The following SPG11 variants were observed in gnomAD, a reference collection of about 807,000 sequenced individuals.
The protein encoded by SPG11 is SPG11 vesicle trafficking associated, spatacsin, also known as spatacsin.
In SPG11, 222 loss-of-function variants were observed where a neutral mutation model predicts 274.0. The observed-to-expected ratio is 0.81, with a 90% CI of 0.73 to 0.91. The LOEUF (loss-of-function observed/expected upper bound fraction) is 0.91, where lower values mean the gene tolerates loss of function less well. Among genes scored for constraint, SPG11 ranks in the 40% least tolerant of loss-of-function variants. The pLI, the probability that SPG11 is intolerant of heterozygous loss-of-function variation, is 0.00. For synonymous variants in SPG11, 1,144 were observed against 1,039.7 expected (o/e 1.10, Z -1.93); for missense variants, 3,114 against 2,872.7 (o/e 1.08, Z -1.92).
In SPG11 at chr15:44,606,034, C is replaced by A. The variant is rs1197171897; in HGVS notation, c.3511G>T (p.Ala1171Ser). The change falls in exon 20 of 40, where the codon GCT becomes TCT. Residue 1171 changes from alanine (A) to serine (S), a missense_variant. Physicochemically the swap from Ala to Ser is moderately conservative, Grantham distance 99. Coordinates refer to ENST00000261866, the MANE Select transcript of SPG11 (RefSeq NM_025137.4). ...LFGWQSANTL[A>S]IGDAWSHLPH... ...ACCCATGATGACTTACCTCCTATAG[C>A]TAGTGTGTTAGCAGACTGCCAGCCA... 6.2e-7 allele frequency: 1 copy of A among 1,613,608 alleles called. No homozygotes were observed. Among genetic ancestry groups the A allele is most frequent in the East Asian group, 2.2e-5 (1 of 44,804 alleles).
intron 25 of SPG11, 126 bp from the exon 26 acceptor site, chr15:44,595,585 C>T: frequency 9.5e-7 from 1 of 1,055,232 alleles, no homozygotes; most frequent in South Asian, 1.4e-5. Context: ...GCTTGAAAAG[C>T]CTTCAAACAT....
intron 1 of SPG11, among the ~76,000 whole-genome samples, chr15:44,663,164 G>C (rs1402980210): frequency 6.6e-6 from 1 of 152,258 alleles, no homozygotes; most frequent in Non-Finnish European, 1.5e-5. Flanking sequence ...CCGCCCACCC[G>C]GAACAGGAGA....
At chr15:44,626,796 A>G (rs2083912749) in intron 10 of SPG11, among the ~76,000 whole-genome samples, 1 of 152,136 alleles carries the variant, frequency 6.6e-6, no homozygotes, top group Non-Finnish European at 1.5e-5. Flanking sequence ...CTAAATAAGA[A>G]GGATGACCAC....
rs1238379023 is a variant in SPG11, at chr15:44,600,618, G to C, written c.3535C>G (p.Leu1179Val). Reference protein sequence around the residue: ...TLAIGDAWSHLPHFSSPDLVN... With the variant: ...TLAIGDAWSHVPHFSSPDLVN... ...AGGTCAGGGCTAGAGAAATGTGGGA[G>C]ATGACTCCATGCATCTAGGGGGAAA... is the stretch of plus-strand genomic sequence containing the variant. Residue 1179 changes from leucine to valine, a missense_variant, in exon 21 of 40, where the codon CTC (leucine) becomes GTC (valine). By Grantham distance (32) the Leu-to-Val change is conservative. Coordinates refer to ENST00000261866, the MANE Select transcript of SPG11 (RefSeq NM_025137.4). 4 of 1,614,030 alleles carry C rather than the reference G, an allele frequency of 2.5e-6. No individual in the cohort carries two copies. The highest frequency in any genetic ancestry group is 2.2e-5 in the East Asian group (1 of 44,882).
intron 1 of SPG11, among the ~76,000 whole-genome samples, chr15:44,662,288 AGAG>A (rs1566836998): frequency 6.6e-6 from 1 of 152,164 alleles, no homozygotes; most frequent in Non-Finnish European, 1.5e-5. Flanking sequence ...AGGAGCTGTT[AGAG>A]GAGCTGGAGA....
intron 26 of SPG11, among the ~76,000 whole-genome samples, chr15:44,594,397 G>A (rs1387934117): frequency 1.3e-5 from 2 of 151,850 alleles, no homozygotes; most frequent in South Asian, 4.2e-4. Context: ...CTGCACTCCA[G>A]CCTGAGTGAC....
rs974510197 is a variant in SPG11, at chr15:44,572,980, C to CTTT, written c.6206-163_6206-161dup. On this transcript the variant is annotated intron_variant, in intron 32 of 39. Transcript: ENST00000261866. ...TTGGTCATTTTATAGGACAGGAGTT[C>CTTT]TTTTTTTTTTTTTTTTTTTTTTTTG... 4.9e-3 allele frequency among the ~76,000 whole-genome samples: 406 copies of CTTT among 83,274 alleles called. 10 individuals are homozygous for CTTT. The highest frequency in any genetic ancestry group is 0.012 in the African/African-American group (234 of 19,802). 54.6% of individuals were successfully genotyped at this position (83,274 alleles called of 152,430 possible).
At position 44,651,659 on chromosome 15, in the gene SPG11, C is replaced by T. The variant is rs778937794; in HGVS notation, c.1288G>A (p.Val430Met). Residue 430 changes from valine to methionine, a missense_variant, in exon 6 of 40, where the codon GTG (valine) becomes ATG (methionine). By Grantham distance (21) the Val-to-Met change is conservative (BLOSUM62 1). Transcript: ENST00000261866. ...EQEEPIELKC[V>M]SVTGFTALFT... ...AGTGCAGTGAATCCTGTCACAGACA[C>T]ACATTTAAGCTCTATGGGTTCCTCT... The T allele has an allele frequency of 1.2e-6, 2 of 1,614,106 alleles. No individual in the cohort carries two copies. The highest frequency in any genetic ancestry group is 2.7e-5 in the African/African-American group (2 of 74,932).
intron 32 of SPG11, 100 bp from the exon 33 acceptor site, chr15:44,572,920 G>A (rs2082452751): frequency 8.4e-7 from 1 of 1,184,836 alleles, no homozygotes; most frequent in Non-Finnish European, 1.2e-6. Context: ...GAGCTCTGCA[G>A]CTCTCCGCTT....
chr15:44,572,980 C>CGTT (rs1256111244), intron 32 of SPG11, among the ~76,000 whole-genome samples, 160 bp from the exon 33 acceptor site: 5 of 83,296 alleles, frequency 6.0e-5, no homozygotes, highest in African/African-American at 2.5e-4. Flanking sequence ...GACAGGAGTT[C>CGTT]TTTTTTTTTT....
intron 7 of SPG11, among the ~76,000 whole-genome samples, chr15:44,641,534 T>C (rs1397537426): frequency 1.5e-5 from 2 of 134,268 alleles, no homozygotes; most frequent in Admixed American, 7.7e-5. Flanking sequence ...AAAAGAAAAA[T>C]AGGCAAAAAA....
intron 7 of SPG11, among the ~76,000 whole-genome samples, chr15:44,647,245 C>T (rs2084635344): frequency 6.6e-6 from 1 of 152,156 alleles, no homozygotes; most frequent in African/African-American, 2.4e-5. Flanking sequence ...TGACTTCACA[C>T]TGACTAGGAT....
Position 44,651,648 on chromosome 15 carries a change from T to C in SPG11, c.1299A>G (p.Thr433=), listed in dbSNP as rs756097901. The C allele has an allele frequency of 5.0e-6, 8 of 1,614,138 alleles. No individual in the cohort carries two copies. The highest frequency in any genetic ancestry group is 6.8e-6 in the Non-Finnish European group (8 of 1,180,038). ...EPIELKCVSV[T]GFTALFTWEV... is the part of the protein sequence containing the mutation. ...CCCAAGTAAACAGTGCAGTGAATCCTGTCACAGACACACATTTAAGCTCTA... is the reference window on the plus strand; with the variant it reads ...CCCAAGTAAACAGTGCAGTGAATCCCGTCACAGACACACATTTAAGCTCTA... The change falls in exon 6 of 40, where the codon ACA becomes ACG. Residue 433 remains threonine (T), a synonymous_variant. Transcript: ENST00000261866.
At chr15:44,604,244 T>C in intron 20 of SPG11, 1 of 374,258 alleles carries the variant, frequency 2.7e-6, no homozygotes, top group Non-Finnish European at 5.3e-6. Flanking sequence ...ATCTGTCATC[T>C]TACAAAGGTC....
chr15:44,613,093 C>G (rs2083501219), intron 17 of SPG11, among the ~76,000 whole-genome samples: 1 of 152,128 alleles, frequency 6.6e-6, no homozygotes, highest in Admixed American at 6.6e-5. Context: ...GAAGACAGAC[C>G]ACTTCTTCAT....
chr15:44,608,611 TA>T lies in SPG11; in HGVS notation c.3292-7del. The T allele has an allele frequency of 1.2e-6, 2 of 1,613,274 alleles. No homozygotes were observed. Among genetic ancestry groups the T allele is most frequent in the Non-Finnish European group, 1.7e-6 (2 of 1,179,672 alleles). ...TTTTCTTCATTCTGAACAACCTAAG[TA>T]AAAAAACAGATAACAGGTTGGACAG... On this transcript the variant is annotated splice_polypyrimidine_tract_variant and splice_region_variant and intron_variant, in intron 18 of 39. Transcript: ENST00000261866.
chr15:44,659,696 C>T (rs913543640), intron 2 of SPG11, among the ~76,000 whole-genome samples: 1 of 152,160 alleles, frequency 6.6e-6, no homozygotes, highest in African/African-American at 2.4e-5. Flanking sequence ...TTTCTGCTCC[C>T]GGCAGTCAAC....
At chr15:44,595,123 T>G in intron 26 of SPG11, 136 bp downstream of exon 26, 1 of 884,520 alleles carries the variant, frequency 1.1e-6, no homozygotes, top group Non-Finnish European at 1.8e-6. Flanking sequence ...GGCCAGTAAG[T>G]GGTACTTCTA....
At chr15:44,654,123 C>A (rs1248582755) in intron 4 of SPG11, among the ~76,000 whole-genome samples, 1 of 152,022 alleles carries the variant, frequency 6.6e-6, no homozygotes, top group Non-Finnish European at 1.5e-5. Flanking sequence ...CCAGTTTAGC[C>A]TAGAAATATT....
Sources: gnomAD v4.1 joint callset for allele counts (sites outside exome capture counted in the v4.1 genomes callset) on GRCh38, gnomAD v4.1.1 for gene constraint, MANE v1.5 for transcripts, NCBI Gene and HGNC (gene_info 2026-07-23, HGNC 2026-07-21) for gene names.